Variants in NGEF observed in about 807,000 individuals in gnomAD.
NGEF encodes the protein ephexin-1.
NGEF carries 31 observed loss-of-function variants against 80.9 expected under a neutral mutation model. The observed-to-expected ratio is 0.38, with a 90% CI of 0.29 to 0.52. NGEF has a LOEUF of 0.52. Among genes scored for constraint, NGEF ranks in the 20% least tolerant of loss-of-function variants. NGEF has a pLI of 0.84. For synonymous variants in NGEF, 371 were observed against 370.2 expected (o/e 1.00, Z -0.03); for missense variants, 709 against 926.2 (o/e 0.77, Z 3.04).
rs150981068 is a variant in NGEF, at chr2:232,998,922, T to G, written c.-75+14146A>C. 2.6e-3 allele frequency among the ~76,000 whole-genome samples: 389 copies of G among 152,318 alleles called. 3 individuals are homozygous for G. Among genetic ancestry groups the G allele is most frequent in the African/African-American group, 8.1e-3 (338 of 41,558 alleles). On this transcript the variant is annotated intron_variant, in intron 1 of 14. Coordinates refer to ENST00000264051, the MANE Select transcript of NGEF (RefSeq NM_019850.3). ...TGGTATGAGGTTCAATATGGGGTCC[T>G]CAGTGGGTGGGTTCTGCCCGCTCAT...
chr2:232,938,909 G>A (rs1693384414), intron 3 of NGEF, among the ~76,000 whole-genome samples: 2 of 151,936 alleles, frequency 1.3e-5, no homozygotes, highest in Admixed American at 6.6e-5. Flanking sequence ...GGCCGGGTGT[G>A]GTGGCTCATG....
At chr2:232,879,712 G>C (rs1691426916) in intron 14 of NGEF, 33 bp from the exon 15 acceptor site, 1 of 1,590,996 alleles carries the variant, frequency 6.3e-7, no homozygotes, top group Admixed American at 1.7e-5. Context: ...GAAGGTCAGT[G>C]CTCCTGCAGG....
At chr2:232,940,549 T>C (rs544958073) in intron 3 of NGEF, among the ~76,000 whole-genome samples, 16 of 151,198 alleles carry the variant, frequency 1.1e-4, no homozygotes, top group Non-Finnish European at 1.9e-4. Context: ...GCAGCGAGGA[T>C]TTTTTTAGTG....
At chr2:232,899,676 ACAGT>A (rs1377798074) in intron 5 of NGEF, among the ~76,000 whole-genome samples, 2 of 133,270 alleles carry the variant, frequency 1.5e-5, no homozygotes, top group South Asian at 2.5e-4. Context: ...ACATGCTCTC[ACAGT>A]CACTCATACA....
chr2:232,969,284 A>AT (rs34202680), intron 3 of NGEF, among the ~76,000 whole-genome samples: 2 of 151,516 alleles, frequency 1.3e-5, no homozygotes, highest in South Asian at 2.1e-4. Flanking sequence ...TAGTACAGTG[A>AT]TTTTTTTTTT....
chr2:232,884,001 C>A lies in NGEF; in HGVS notation c.1581G>T (p.Val527=). Residue 527 remains valine, a synonymous_variant, in exon 11 of 15, where the codon GTG becomes GTT. Transcript: ENST00000264051. ...CTCACCCTGGAATCTGCCGGCAGAT[C>A]ACCAGCAGGTCGTTGAACAGGAAGA... is the stretch of plus-strand genomic sequence containing the variant. ...IYLFLFNDLL[V]ICRQIPGDKY... The A allele has an allele frequency of 6.2e-7, 1 of 1,611,326 alleles. No homozygotes were observed. The highest frequency in any genetic ancestry group is 1.1e-5 in the South Asian group (1 of 90,500).
intron 3 of NGEF, among the ~76,000 whole-genome samples, chr2:232,960,832 C>A (rs540288506): frequency 6.6e-6 from 1 of 152,096 alleles, no homozygotes; most frequent in Non-Finnish European, 1.5e-5. Flanking sequence ...GAGCCAAGAT[C>A]GCGCCACTGC....
intron 1 of NGEF, among the ~76,000 whole-genome samples, chr2:232,982,822 C>T (rs1240807203): frequency 6.6e-6 from 1 of 152,168 alleles, no homozygotes; most frequent in African/African-American, 2.4e-5. Context: ...CAGCCTTGGG[C>T]CTTTTTTCTC....
intron 3 of NGEF, among the ~76,000 whole-genome samples, chr2:232,967,924 G>A (rs2106318848): frequency 6.6e-6 from 1 of 152,166 alleles, no homozygotes; most frequent in East Asian, 1.9e-4. Context: ...GAAATAATGA[G>A]GGCTGGGCAT....
At chr2:233,004,309 C>A (rs1354164519) in intron 1 of NGEF, among the ~76,000 whole-genome samples, 2 of 152,132 alleles carry the variant, frequency 1.3e-5, no homozygotes, top group African/African-American at 4.8e-5. Context: ...ATGACCCCTC[C>A]CATGCTCCCT....
intron 3 of NGEF, among the ~76,000 whole-genome samples, chr2:232,928,399 T>A (rs2106285676): frequency 6.6e-6 from 1 of 151,882 alleles, no homozygotes; most frequent in Non-Finnish European, 1.5e-5. Context: ...GAGCTGCGCC[T>A]TTGCCTGCCC....
rs1559240511 is a variant in NGEF at position 232,995,472 on chromosome 2, GTATA to G, written c.-75+17592_-75+17595del. On this transcript the variant is annotated intron_variant, in intron 1 of 14. Coordinates refer to ENST00000264051, the MANE Select transcript of NGEF (RefSeq NM_019850.3). ...TATGTATACTGACAGTATACATACT[GTATA>G]TATACACAGTATGTATACTGACAGT... 5.4e-4 allele frequency among the ~76,000 whole-genome samples: 2 copies of G among 3,728 alleles called. 1 individual carries two copies. Among genetic ancestry groups the G allele is most frequent in the Non-Finnish European group, 1.1e-3 (2 of 1,818 alleles). 2.4% of individuals were successfully genotyped at this position (3,728 alleles called of 152,430 possible).
intron 3 of NGEF, among the ~76,000 whole-genome samples, chr2:232,964,896 C>T (rs182611954): frequency 3.9e-5 from 6 of 152,266 alleles, no homozygotes; most frequent in South Asian, 2.1e-4. Flanking sequence ...GACTTGAAAA[C>T]GGGCCCTGAG....
intron 5 of NGEF, among the ~76,000 whole-genome samples, chr2:232,896,392 G>A (rs1361094764): frequency 2.6e-5 from 4 of 152,100 alleles, no homozygotes; most frequent in Admixed American, 6.6e-5. Flanking sequence ...CTGCAGAGCT[G>A]TCAGAGGGAG....
At chr2:232,985,383 G>A (rs764049726) in intron 1 of NGEF, among the ~76,000 whole-genome samples, 9 of 152,256 alleles carry the variant, frequency 5.9e-5, no homozygotes, top group Non-Finnish European at 8.8e-5. Context: ...TTGGGAGGCC[G>A]AGGCGGGCAG....
intron 14 of NGEF, 151 bp from the exon 15 acceptor site, chr2:232,879,830 C>G (rs1026307020): frequency 1.9e-5 from 13 of 668,788 alleles, no homozygotes; most frequent in Non-Finnish European, 2.7e-5. Context: ...ACACCTCTGC[C>G]GAGATGCTCA....
chr2:232,993,167 T>A (rs12999637), intron 1 of NGEF, among the ~76,000 whole-genome samples: 69 of 50,210 alleles, frequency 1.4e-3, no homozygotes, highest in African/African-American at 4.6e-3. Flanking sequence ...ATATATATAT[T>A]ATATATATAA....
intron 3 of NGEF, among the ~76,000 whole-genome samples, chr2:232,962,612 T>C (rs1016221456): frequency 6.6e-6 from 1 of 151,970 alleles, no homozygotes; most frequent in Non-Finnish European, 1.5e-5. Flanking sequence ...CAAAAATTAA[T>C]TTTATTTTTA....
chr2:232,982,212 C>G (rs1412946381), intron 1 of NGEF, among the ~76,000 whole-genome samples: 2 of 152,154 alleles, frequency 1.3e-5, no homozygotes. Flanking sequence ...ATCAATCTCT[C>G]CAAGGAGGGG....
Sources: gnomAD v4.1 joint callset for allele counts (sites outside exome capture counted in the v4.1 genomes callset) on GRCh38, gnomAD v4.1.1 for gene constraint, MANE v1.5 for transcripts, NCBI Gene and HGNC (gene_info 2026-07-23, HGNC 2026-07-21) for gene names.